RC3H2: variants seen among roughly 807,000 people sequenced by gnomAD.
RC3H2 encodes ring finger and CCCH-type domains 2.
A neutral mutation model predicts 133.3 loss-of-function variants in RC3H2; 31 were observed. That is an observed-to-expected ratio of 0.23 (90% CI 0.17 to 0.31). RC3H2 has a LOEUF of 0.31. RC3H2 is among the 10% of genes least tolerant of loss of function. The pLI, the probability that RC3H2 is intolerant of heterozygous loss-of-function variation, is 1.00. For synonymous variants in RC3H2, 517 were observed against 502.2 expected, an observed-to-expected ratio of 1.03 and a Z score of -0.40; for missense variants, 1,175 against 1,437.2, an observed-to-expected ratio of 0.82 and a Z score of 2.95.
intron 18 of RC3H2, among the ~76,000 whole-genome samples, chr9:122,852,599 GC>G (rs1031530556): frequency 2.0e-5 from 3 of 149,264 alleles, no homozygotes. Context: ...TCAGCCCCCG[GC>G]CCGGCCAGCC....
At chr9:122,888,069 A>T (rs1832007252) in intron 4 of RC3H2, among the ~76,000 whole-genome samples, 1 of 151,950 alleles carries the variant, frequency 6.6e-6, no homozygotes. Context: ...TTAAATGCTG[A>T]AAGTCTTGGT....
rs186547580 is a variant in RC3H2, at chr9:122,859,476, G to A, written c.1850-374C>T. ...AAAGTGCTCCTTAAAACACACAACA[G>A]AGCTATTAACAGACGGATGGTAAAT... On this transcript the variant is annotated intron_variant, in intron 11 of 20. Coordinates refer to ENST00000357244, the MANE Select transcript of RC3H2 (RefSeq NM_001100588.3). 5.9e-5 allele frequency among the ~76,000 whole-genome samples: 9 copies of A among 152,108 alleles called. No individual in the cohort carries two copies. The East Asian group carries it at 1.7e-3, about 29-fold the overall frequency.
rs1174586933 is a variant in RC3H2, at chr9:122,849,361, G to A, written c.*266C>T. The stretch of plus-strand genomic sequence containing the variant: ...GATTGCTACAAACTCATAAAAAGCT[G>A]CTTGAAGCTTAAGTTAAATGTTGTC... On this transcript the variant is annotated 3_prime_UTR_variant, in exon 21 of 21. Coordinates refer to ENST00000357244, the MANE Select transcript of RC3H2 (RefSeq NM_001100588.3). The A allele has an allele frequency of 6.5e-6, 1 of 153,444 alleles. No individual in the cohort carries two copies. The highest frequency in any genetic ancestry group is 1.4e-5 in the Non-Finnish European group (1 of 69,102). The allele number at this position is 153,444 out of a possible 1,614,324, so 9.5% of individuals were successfully genotyped here.
At chr9:122,852,743 G>A (rs1327558851) in intron 18 of RC3H2, among the ~76,000 whole-genome samples, 5 of 146,526 alleles carry the variant, frequency 3.4e-5, no homozygotes, top group Non-Finnish European at 7.5e-5. Context: ...CAGCCGCCCC[G>A]TCCGGGAGGG....
intron 1 of RC3H2, among the ~76,000 whole-genome samples, chr9:122,899,460 T>C (rs113100687): frequency 5.3e-5 from 8 of 152,234 alleles, no homozygotes; most frequent in African/African-American, 1.9e-4. Context: ...GGGCTTGCTA[T>C]GTAAAAAGCA....
intron 9 of RC3H2, among the ~76,000 whole-genome samples, chr9:122,872,676 C>T (rs554874678): frequency 2.8e-4 from 43 of 152,306 alleles, no homozygotes; most frequent in African/African-American, 1.0e-3. Context: ...CCTCTACCTC[C>T]CAGGTTCACG....
At chr9:122,866,562 G>A (rs553403932) in intron 9 of RC3H2, among the ~76,000 whole-genome samples, 27 of 152,124 alleles carry the variant, frequency 1.8e-4, no homozygotes, top group African/African-American at 5.5e-4. Context: ...GCGCCGCCAC[G>A]CCTGACTGGT....
rs374218952 is a variant in RC3H2 at position 122,851,194 on chromosome 9, T to C, written c.3267A>G (p.Gln1089=). Reference sequence around the variant, plus strand: ...CCATTCCATTTAGCAACTGATCATTTTGAGAACTGATACCAAGCTGTATGT... The same window carrying C: ...CCATTCCATTTAGCAACTGATCATTCTGAGAACTGATACCAAGCTGTATGT... ...ILDIQLGISS[Q]NDQLLNGMAV... is the part of the protein sequence containing the mutation. The change falls in exon 20 of 21, where the codon CAA becomes CAG. Residue 1089 remains glutamine (Q), a synonymous_variant. Transcript: ENST00000357244. 1.2e-6 allele frequency: 2 copies of C among 1,614,060 alleles called. No individual in the cohort carries two copies. Among genetic ancestry groups the C allele is most frequent in the African/African-American group, 1.3e-5 (1 of 74,940 alleles).
At chr9:122,869,033 C>T (rs1830930215) in intron 9 of RC3H2, among the ~76,000 whole-genome samples, 1 of 151,416 alleles carries the variant, frequency 6.6e-6, no homozygotes, top group Non-Finnish European at 1.5e-5. Context: ...TCCCAAGTAG[C>T]TGGGATTACA....
chr9:122,857,101 A>G (rs1223954784), intron 13 of RC3H2, among the ~76,000 whole-genome samples: 3 of 152,188 alleles, frequency 2.0e-5, no homozygotes, highest in Non-Finnish European at 2.9e-5. Flanking sequence ...GGGGGTATAA[A>G]TAAGACAGTA....
chr9:122,898,482 G>T (rs550693208), intron 1 of RC3H2, among the ~76,000 whole-genome samples: 91 of 152,248 alleles, frequency 6.0e-4, no homozygotes, highest in Non-Finnish European at 9.6e-4. Context: ...GGGCGTGGTG[G>T]CTCACACCTA....
chr9:122,873,140 T>G (rs887300584), intron 9 of RC3H2, among the ~76,000 whole-genome samples: 1 of 152,206 alleles, frequency 6.6e-6, no homozygotes, highest in African/African-American at 2.4e-5. Context: ...TTATTTAAGT[T>G]GAACAAACAT....
At chr9:122,867,509 G>GTCAGC (rs1830761307) in intron 9 of RC3H2, among the ~76,000 whole-genome samples, 2 of 112,432 alleles carry the variant, frequency 1.8e-5, no homozygotes, top group Non-Finnish European at 4.2e-5. Context: ...TGTGAGGGGC[G>GTCAGC]CCTCTGCCCG....
chr9:122,863,673 T>C (rs115266315), intron 10 of RC3H2, among the ~76,000 whole-genome samples: 52 of 152,312 alleles, frequency 3.4e-4, no homozygotes, highest in African/African-American at 1.2e-3. Context: ...ATAAATAACA[T>C]TTGTTAACTA....
intron 18 of RC3H2, among the ~76,000 whole-genome samples, chr9:122,852,458 G>A (rs796895882): frequency 2.0e-5 from 3 of 146,736 alleles, no homozygotes; most frequent in East Asian, 2.1e-4. Context: ...GGTGAGGGGC[G>A]CCTCTGCCCG....
intron 2 of RC3H2, among the ~76,000 whole-genome samples, chr9:122,894,918 C>T (rs570138914): frequency 3.9e-5 from 6 of 152,102 alleles, no homozygotes; most frequent in African/African-American, 7.2e-5. Flanking sequence ...ACAGACTGAA[C>T]GTTCTAGGCA....
At chr9:122,890,674 C>G in intron 3 of RC3H2, 129 bp from the exon 4 acceptor site, 1 of 665,344 alleles carries the variant, frequency 1.5e-6, no homozygotes, top group South Asian at 2.1e-5. Context: ...TTTCATTTTT[C>G]TAACAGTATT....
intron 4 of RC3H2, among the ~76,000 whole-genome samples, chr9:122,884,650 C>T (rs919910248): frequency 4.0e-5 from 6 of 151,880 alleles, no homozygotes; most frequent in Non-Finnish European, 8.8e-5. Context: ...GTCATGAGTT[C>T]GAGACCATCC....
At chr9:122,885,689 C>T (rs1588100800) in intron 4 of RC3H2, among the ~76,000 whole-genome samples, 1 of 152,164 alleles carries the variant, frequency 6.6e-6, no homozygotes, top group African/African-American at 2.4e-5. Flanking sequence ...ATTTTAACCA[C>T]ATAATTCAGT....
Sources: allele counts gnomAD v4.1 joint callset (sites outside exome capture counted in the v4.1 genomes callset), GRCh38; gene constraint gnomAD v4.1.1; transcripts MANE v1.5; gene names NCBI Gene and HGNC (gene_info 2026-07-23, HGNC 2026-07-21).